CDH4: variants seen among roughly 807,000 people sequenced by gnomAD.
CDH4 encodes cadherin-4.
In CDH4, 33 loss-of-function variants were observed where a neutral mutation model predicts 86.0. The observed-to-expected ratio is 0.38, with a 90% CI of 0.29 to 0.51. The LOEUF is 0.51. Among genes scored for constraint, CDH4 ranks in the 20% least tolerant of loss-of-function variants. The probability of loss-of-function intolerance (pLI) is 0.86; values close to 1 mark genes in which losing one functional copy is unlikely to be tolerated. For missense variants in CDH4, 1,114 were observed against 1,307.4 expected (o/e 0.85, Z 2.28); for synonymous variants, 555 against 549.4 (o/e 1.01, Z -0.14).
chr20:61,933,838 GC>G (rs2055144318), intron 14 of CDH4, among the ~76,000 whole-genome samples: 1 of 152,192 alleles, frequency 6.6e-6, no homozygotes, highest in South Asian at 2.1e-4. Flanking sequence ...GCCAAGAACA[GC>G]CCCTATCCCT....
At chr20:61,786,450 T>C (rs1299622899) in intron 4 of CDH4, among the ~76,000 whole-genome samples, 1 of 152,158 alleles carries the variant, frequency 6.6e-6, no homozygotes, top group Non-Finnish European at 1.5e-5. Flanking sequence ...GCAATCATTT[T>C]GGACTCTACT....
rs1016150384 is a variant in CDH4, at chr20:61,940,355, C to A, written c.*3412C>A. On this transcript the variant is annotated 3_prime_UTR_variant, in exon 16 of 16. Transcript: ENST00000614565. ...AAGATACTGGAGTATGATGTACTCA[C>A]ACCTGCAAATCTGAGCATCGCGAGG... 2.0e-5 allele frequency: 3 copies of A among 152,000 alleles called. No individual in the cohort carries two copies. The highest frequency in any genetic ancestry group is 7.3e-5 in the African/African-American group (3 of 41,374). 9.4% of individuals were successfully genotyped at this position (152,000 alleles called of 1,614,324 possible).
At position 61,661,090 on chromosome 20, in the gene CDH4, G is replaced by T. The variant is rs113303686; in HGVS notation, c.170-82473G>T. Among the ~76,000 whole-genome samples, 4 of 141,630 alleles carry T rather than the reference G, an allele frequency of 2.8e-5. 1 individual carries two copies. The highest frequency in any genetic ancestry group is 4.8e-5 in the Non-Finnish European group (3 of 62,732). The allele number at this position is 141,630 out of a possible 152,430, so 92.9% of individuals were successfully genotyped here. ...GCATGGACAGGAGGCATGGCGGGGG[G>T]GGGGGAGACACAGTGCCAGGCTCAT... On this transcript the variant is annotated intron_variant, in intron 2 of 15. Transcript: ENST00000614565.
At chr20:61,677,407 C>G (rs1315428068) in intron 2 of CDH4, among the ~76,000 whole-genome samples, 1 of 152,224 alleles carries the variant, frequency 6.6e-6, no homozygotes, top group Non-Finnish European at 1.5e-5. Flanking sequence ...AGGGCCTTCC[C>G]TCCAGACTCC....
intron 2 of CDH4, among the ~76,000 whole-genome samples, chr20:61,478,303 G>A (rs1443837043): frequency 6.6e-6 from 1 of 152,156 alleles, no homozygotes; most frequent in Non-Finnish European, 1.5e-5. Context: ...GCACCAGGAG[G>A]CCCGTCTCTA....
At chr20:61,858,567 C>G (rs368759906) in intron 6 of CDH4, among the ~76,000 whole-genome samples, 1 of 151,522 alleles carries the variant, frequency 6.6e-6, no homozygotes, top group African/African-American at 2.4e-5. Flanking sequence ...GCATGTGTGT[C>G]TGTCTGTGTG....
intron 2 of CDH4, among the ~76,000 whole-genome samples, chr20:61,565,358 G>GCAGTGCTCTT (rs144748536): frequency 3.0e-5 from 1 of 33,342 alleles, no homozygotes; most frequent in Non-Finnish European, 5.7e-5. Context: ...CTTGGTGATG[G>GCAGTGCTCTT]GGTGATGGTG....
At chr20:61,448,814 G>T (rs1024921718) in intron 2 of CDH4, among the ~76,000 whole-genome samples, 6 of 152,074 alleles carry the variant, frequency 3.9e-5, no homozygotes, top group African/African-American at 1.4e-4. Context: ...CTCTGAAAAG[G>T]CTATTCTTTC....
intron 15 of CDH4, among the ~76,000 whole-genome samples, chr20:61,934,900 AGAAACATTT>A (rs2055161965): frequency 6.6e-6 from 1 of 152,238 alleles, no homozygotes; most frequent in Non-Finnish European, 1.5e-5. Flanking sequence ...CCCCTTTGCA[AGAAACATTT>A]GAAACATCGC....
At chr20:61,548,424 G>T (rs1257451350) in intron 2 of CDH4, among the ~76,000 whole-genome samples, 1 of 152,148 alleles carries the variant, frequency 6.6e-6, no homozygotes, top group Admixed American at 6.5e-5. Context: ...AGTACAAAGA[G>T]GAGAAGGAGA....
rs1326890967 is a variant in CDH4 at position 61,358,615 on chromosome 20, T to C, written c.169+103678T>C. Among the ~76,000 whole-genome samples, 6 of 152,212 alleles carry C rather than the reference T, an allele frequency of 3.9e-5. No individual in the cohort carries two copies. In the South Asian group the frequency reaches 8.3e-4, roughly 21 times the overall value. On this transcript the variant is annotated intron_variant, in intron 2 of 15. Transcript: ENST00000614565. ...AAATCCAGTCCCTTGTAAAGAGATA[T>C]CCCCGTATTTTACACAGAGAGGGTC...
intron 2 of CDH4, among the ~76,000 whole-genome samples, chr20:61,511,409 G>T (rs1447089331): frequency 6.6e-6 from 1 of 152,202 alleles, no homozygotes. Flanking sequence ...AAACTCTTGT[G>T]TGTTTCACCA....
chr20:61,422,461 AAAAAAACC>A, intron 2 of CDH4, among the ~76,000 whole-genome samples: 2 of 52,550 alleles, frequency 3.8e-5, no homozygotes, highest in African/African-American at 1.8e-4. Flanking sequence ...AAAAAAAAAA[AAAAAAACC>A]AAATCTCCCC....
chr20:61,935,059 C>T (rs769938758), intron 15 of CDH4, among the ~76,000 whole-genome samples: 5 of 152,216 alleles, frequency 3.3e-5, no homozygotes, highest in Non-Finnish European at 7.3e-5. Flanking sequence ...AGGGAGCGTC[C>T]TCCGGGCAGT....
At chr20:61,924,539 C>T (rs1462635048) in intron 11 of CDH4, 63 bp downstream of exon 11, 8 of 1,556,424 alleles carry the variant, frequency 5.1e-6, no homozygotes, top group South Asian at 2.4e-5. Context: ...GTTCTGTGGG[C>T]GAGGGAGGGT....
chr20:61,831,614 A>G (rs1981617641), intron 4 of CDH4, among the ~76,000 whole-genome samples: 1 of 152,186 alleles, frequency 6.6e-6, no homozygotes, highest in African/African-American at 2.4e-5. Flanking sequence ...TCAAACTTTG[A>G]TGCCGAACAA....
intron 2 of CDH4, among the ~76,000 whole-genome samples, chr20:61,403,404 G>A (rs2085061096): frequency 1.3e-5 from 2 of 152,160 alleles, no homozygotes; most frequent in Admixed American, 1.3e-4. Context: ...GGGGGCAGCG[G>A]TGGTACTGAG....
At chr20:61,862,436 C>T (rs754297316) in intron 6 of CDH4, among the ~76,000 whole-genome samples, 1 of 152,154 alleles carries the variant, frequency 6.6e-6, no homozygotes, top group Non-Finnish European at 1.5e-5. Context: ...ACCTCCTTGG[C>T]GGGGGCGGTC....
At chr20:61,383,732 A>G (rs974062907) in intron 2 of CDH4, among the ~76,000 whole-genome samples, 2 of 141,054 alleles carry the variant, frequency 1.4e-5, no homozygotes, top group Non-Finnish European at 3.0e-5. Context: ...ATATAAATAT[A>G]TGATATATAT....
Sources: allele counts gnomAD v4.1 joint callset (sites outside exome capture counted in the v4.1 genomes callset), GRCh38; gene constraint gnomAD v4.1.1; transcripts MANE v1.5; gene names NCBI Gene and HGNC (gene_info 2026-07-23, HGNC 2026-07-21).